Variants in HTR1F observed in about 807,000 individuals in gnomAD.
The protein encoded by HTR1F is 5-hydroxytryptamine (serotonin) receptor 1F, G protein-coupled.
Under a neutral mutation model 24.0 loss-of-function variants are expected in HTR1F, and 17 were observed. The observed-to-expected ratio is 0.71, with a 90% confidence interval of 0.48 to 1.06. HTR1F has a LOEUF of 1.06. HTR1F is among the 50% of genes least tolerant of loss of function. The probability of loss-of-function intolerance (pLI) is 0.00; values close to 1 mark genes in which losing one functional copy is unlikely to be tolerated. For synonymous variants in HTR1F, 186 were observed against 156.8 expected (o/e 1.19, Z -1.39); for missense variants, 391 against 427.8 (o/e 0.91, Z 0.76).
chr3:87,931,801 ATGG>A (rs1294770571), intron 2 of HTR1F, among the ~76,000 whole-genome samples: 2 of 148,922 alleles, frequency 1.3e-5, no homozygotes. Context: ...ATGGCCAGTG[ATGG>A]TGAGCATTTC....
chr3:87,834,823 A>G (rs2932307), intron 2 of HTR1F, among the ~76,000 whole-genome samples: 54,961 of 152,104 alleles, frequency 0.36, 14,280 homozygotes, highest in African/African-American at 0.74. Flanking sequence ...CCATGAATAA[A>G]GTTTTACTAG....
chr3:87,839,233 G>A (rs941174820), intron 2 of HTR1F, among the ~76,000 whole-genome samples: 1 of 151,702 alleles, frequency 6.6e-6, no homozygotes, highest in South Asian at 2.1e-4. Flanking sequence ...AATTCATTTT[G>A]AGTTGCTCAT....
chr3:87,886,900 C>T (rs1705960529), intron 2 of HTR1F, among the ~76,000 whole-genome samples: 2 of 152,114 alleles, frequency 1.3e-5, no homozygotes, highest in African/African-American at 4.8e-5. Context: ...GCCATACTGC[C>T]CAAGGTAATT....
chr3:87,958,493 T>A (rs1193636751), intron 2 of HTR1F, among the ~76,000 whole-genome samples: 1 of 151,588 alleles, frequency 6.6e-6, no homozygotes. Flanking sequence ...CCTTGAACAA[T>A]GCATGGTTTA....
intron 2 of HTR1F, among the ~76,000 whole-genome samples, chr3:87,975,931 T>A (rs1156610300): frequency 6.6e-6 from 1 of 152,216 alleles, no homozygotes; most frequent in Non-Finnish European, 1.5e-5. Context: ...CAATTTCAAC[T>A]GACAGCAATT....
At chr3:87,927,905 T>C (rs1386999828) in intron 2 of HTR1F, among the ~76,000 whole-genome samples, 2 of 152,118 alleles carry the variant, frequency 1.3e-5, no homozygotes, top group Non-Finnish European at 2.9e-5. Context: ...TTTTAAAGCT[T>C]TTAAAAATTT....
chr3:87,835,691 C>T lies in HTR1F; in HGVS notation c.-43+13567C>T, dbSNP rs745539510. 9.9e-5 allele frequency among the ~76,000 whole-genome samples: 15 copies of T among 152,238 alleles called. No individual in the cohort carries two copies. The South Asian group carries it at 1.7e-3, about 17-fold the overall frequency. On this transcript the variant is annotated intron_variant, in intron 2 of 2. Transcript: ENST00000319595. ...ATCGTAAAAGACTAAATGTCATTTC[C>T]GTATTTTTGAGACCAAATTCCTTTT...
At chr3:87,821,392 G>A (rs1307298247) in intron 1 of HTR1F, among the ~76,000 whole-genome samples, 1 of 152,090 alleles carries the variant, frequency 6.6e-6, no homozygotes, top group African/African-American at 2.4e-5. Flanking sequence ...ATGAGAAACT[G>A]AGCCTATCTT....
chr3:87,929,464 G>C (rs1351634159), intron 2 of HTR1F, among the ~76,000 whole-genome samples: 1 of 152,152 alleles, frequency 6.6e-6, no homozygotes, highest in Non-Finnish European at 1.5e-5. Context: ...TAACTTCTCT[G>C]TATTGGGAAT....
At chr3:87,819,685 A>G (rs1173159668) in intron 1 of HTR1F, among the ~76,000 whole-genome samples, 4 of 152,132 alleles carry the variant, frequency 2.6e-5, no homozygotes, top group Non-Finnish European at 5.9e-5. Flanking sequence ...AACAAACTTT[A>G]TAACTGACCA....
At chr3:87,901,838 C>T (rs994075251) in intron 2 of HTR1F, among the ~76,000 whole-genome samples, 5 of 151,980 alleles carry the variant, frequency 3.3e-5, no homozygotes, top group Non-Finnish European at 5.9e-5. Context: ...TATTTAGGCT[C>T]TGGTTCACTA....
At chr3:87,836,741 C>T (rs779896314) in intron 2 of HTR1F, among the ~76,000 whole-genome samples, 1 of 152,090 alleles carries the variant, frequency 6.6e-6, no homozygotes, top group Non-Finnish European at 1.5e-5. Flanking sequence ...TATGTATCAA[C>T]TCTCTCCTAC....
intron 2 of HTR1F, among the ~76,000 whole-genome samples, chr3:87,984,367 T>C (rs1054464737): frequency 3.9e-5 from 6 of 152,130 alleles, no homozygotes; most frequent in Non-Finnish European, 8.8e-5. Flanking sequence ...GTACAAAGTG[T>C]TGTTTTGTTT....
chr3:87,848,839 A>G (rs1178052783), intron 2 of HTR1F, among the ~76,000 whole-genome samples: 1 of 151,736 alleles, frequency 6.6e-6, no homozygotes, highest in Non-Finnish European at 1.5e-5. Flanking sequence ...CCAAATCATG[A>G]GTGAACTCCC....
intron 2 of HTR1F, among the ~76,000 whole-genome samples, chr3:87,843,276 A>C (rs1177312334): frequency 4.6e-5 from 7 of 152,086 alleles, no homozygotes; most frequent in Non-Finnish European, 8.8e-5. Flanking sequence ...TATTTTAGCA[A>C]AGACAACATT....
Position 87,873,934 on chromosome 3 carries a change from T to C in HTR1F, c.-43+51810T>C, listed in dbSNP as rs1431585554. Among the ~76,000 whole-genome samples the C allele has an allele frequency of 2.0e-5, 3 of 152,118 alleles. No individual in the cohort carries two copies. In the South Asian group the frequency reaches 6.2e-4, roughly 31 times the overall value. On this transcript the variant is annotated intron_variant, in intron 2 of 2. Coordinates refer to ENST00000319595, the MANE Select transcript of HTR1F (RefSeq NM_001322209.2). ...CATGACAAAATTTAACACCCATTCA[T>C]GATTAAAACACTCAACAAAATAGGA...
chr3:87,817,861 C>T (rs780313749), intron 1 of HTR1F, among the ~76,000 whole-genome samples: 21 of 152,010 alleles, frequency 1.4e-4, no homozygotes, highest in Non-Finnish European at 2.4e-4. Flanking sequence ...ATGTTACTGA[C>T]GAAGTTATGC....
rs760303154 is a variant in HTR1F at position 87,912,515 on chromosome 3, AATGCT to A, written c.-42-78190_-42-78186del. Among the ~76,000 whole-genome samples the A allele has an allele frequency of 5.9e-4, 90 of 151,834 alleles. 1 individual carries two copies. The highest frequency in any genetic ancestry group is 7.2e-4 in the Non-Finnish European group (49 of 67,964). Reference sequence around the variant, plus strand: ...ACTGATCAAAGCAATTTACAGATTCAATGCTATTCCTGTCAAACCACCTATGACAT... The same window carrying A: ...ACTGATCAAAGCAATTTACAGATTCAATTCCTGTCAAACCACCTATGACAT... On this transcript the variant is annotated intron_variant, in intron 2 of 2. Coordinates refer to ENST00000319595, the MANE Select transcript of HTR1F (RefSeq NM_001322209.2).
intron 2 of HTR1F, among the ~76,000 whole-genome samples, chr3:87,965,702 A>G (rs1429711838): frequency 6.6e-6 from 1 of 152,208 alleles, no homozygotes; most frequent in Admixed American, 6.5e-5. Flanking sequence ...CACAGAATTA[A>G]CACAAATGCC....
Sources: allele counts gnomAD v4.1 joint callset (sites outside exome capture counted in the v4.1 genomes callset), GRCh38; gene constraint gnomAD v4.1.1; transcripts MANE v1.5; gene names NCBI Gene and HGNC (gene_info 2026-07-23, HGNC 2026-07-21).